HNRNPH3: variants seen among roughly 807,000 people sequenced by gnomAD.
The protein encoded by HNRNPH3 is heterogeneous nuclear ribonucleoprotein 2H9.
In HNRNPH3, 7 loss-of-function variants were observed where a neutral mutation model predicts 47.0. The observed-to-expected ratio is 0.15, with a 90% CI of 0.08 to 0.28. HNRNPH3 has a LOEUF of 0.28. Among genes scored for constraint, HNRNPH3 ranks in the 10% least tolerant of loss-of-function variants. HNRNPH3 has a pLI of 1.00. For missense variants in HNRNPH3, 279 were observed against 449.6 expected (o/e 0.62, Z 3.43); for synonymous variants, 120 against 143.2 (o/e 0.84, Z 1.16).
intron 1 of HNRNPH3, among the ~76,000 whole-genome samples, chr10:68,333,533 C>T (rs1054937187): frequency 6.6e-6 from 1 of 151,948 alleles, no homozygotes; most frequent in South Asian, 2.1e-4. Context: ...CTTTTGGTAG[C>T]TAGGCATGTT....
intron 1 of HNRNPH3, among the ~76,000 whole-genome samples, chr10:68,334,773 AT>A (rs2045450310): frequency 6.6e-6 from 1 of 152,236 alleles, no homozygotes; most frequent in Non-Finnish European, 1.5e-5. Flanking sequence ...AGCACCTAGA[AT>A]TCTTAAAGCA....
In HNRNPH3 at chr10:68,337,329, T is replaced by C. The variant is rs758961146; in HGVS notation, c.108T>C (p.Phe36=). The stretch of plus-strand genomic sequence containing the variant: ...GCAAAGAGGAAATAGTTCAGTTCTT[T>C]CAAGGTACCTCTAGTATTAGTCAAA... The part of the protein sequence containing the change: ...GCSKEEIVQF[F]QGLEIVPNGI... The change falls in exon 2 of 10, where the codon TTT becomes TTC. Residue 36 remains phenylalanine (F), a synonymous_variant. Coordinates refer to ENST00000265866, the MANE Select transcript of HNRNPH3 (RefSeq NM_012207.3). This position sits in a 1 kb window ranked among gnomAD's most constrained non-coding sequence, Gnocchi z 4.5. 1 of 1,535,774 alleles carries C rather than the reference T, an allele frequency of 6.5e-7. No individual in the cohort carries two copies.
At position 68,341,323 on chromosome 10, in the gene HNRNPH3, T is replaced by G; in HGVS notation, c.775+14T>G. 6.3e-7 allele frequency: 1 copy of G among 1,592,914 alleles called. No homozygotes were observed. Among genetic ancestry groups the G allele is most frequent in the South Asian group, 1.2e-5 (1 of 86,434 alleles). On this transcript the variant is annotated intron_variant, in intron 7 of 9. Transcript: ENST00000265866. The stretch of plus-strand genomic sequence containing the variant: ...AAAATAACATGCGTAAGTGGTGTCT[T>G]TGGCACACAATCTTATTTCCTAAAC...
Position 68,337,730 on chromosome 10 carries a change from A to T in HNRNPH3, c.113-128A>T. On this transcript the variant is annotated intron_variant, in intron 2 of 9. Transcript: ENST00000265866. This position sits in a 1 kb window ranked among gnomAD's most constrained non-coding sequence, Gnocchi z 4.5. ...AATCTTTCATTTGTATTATGGGGTG[A>T]TGGGAAACTAAGCTTTTTTGTTTTG... The T allele has an allele frequency of 1.3e-6, 1 of 793,958 alleles. No homozygotes were observed. The highest frequency in any genetic ancestry group is 1.8e-5 in the African/African-American group (1 of 57,124). 49.2% of individuals were successfully genotyped at this position (793,958 alleles called of 1,614,324 possible). A position where few individuals can be genotyped will look rare whatever the true frequency, so the allele number is the denominator to read the frequency against.
chr10:68,338,723 T>C, intron 4 of HNRNPH3, 36 bp downstream of exon 4: 1 of 1,477,502 alleles, frequency 6.8e-7, no homozygotes, highest in Non-Finnish European at 9.1e-7. Flanking sequence ...TCTGTTGTCA[T>C]TTTCTTAATG....
chr10:68,341,608 T>A lies in HNRNPH3; in HGVS notation c.799T>A (p.Leu267Met). 2 of 1,612,748 alleles carry A rather than the reference T, an allele frequency of 1.2e-6. No individual in the cohort carries two copies. The highest frequency in any genetic ancestry group is 2.7e-5 in the African/African-American group (2 of 74,992). ...NMQHRYIELFLNSTPGGGSGM... is the reference protein window; with the variant it reads ...NMQHRYIELFMNSTPGGGSGM... ...AGAACATCGATATATTGAACTCTTC[T>A]TGAATTCTACTCCTGGAGGCGGCTC... The change falls in exon 8 of 10, where the codon TTG (leucine) becomes ATG (methionine). Residue 267 changes from leucine to methionine, a missense_variant. Physicochemically the swap from Leu to Met is conservative, Grantham distance 15. Coordinates refer to ENST00000265866, the MANE Select transcript of HNRNPH3 (RefSeq NM_012207.3).
At chr10:68,333,236 G>C (rs2134629873) in intron 1 of HNRNPH3, among the ~76,000 whole-genome samples, 1 of 143,632 alleles carries the variant, frequency 7.0e-6, no homozygotes, top group Middle Eastern at 3.7e-3. Context: ...TTTCAAGTAG[G>C]TCGTCTGGGC....
At chr10:68,336,580 C>A (rs1315316348) in intron 1 of HNRNPH3, among the ~76,000 whole-genome samples, 1 of 152,060 alleles carries the variant, frequency 6.6e-6, no homozygotes, top group Non-Finnish European at 1.5e-5. Flanking sequence ...CTGATTAATT[C>A]AGTCATTTTA....
chr10:68,337,622 T>C lies in HNRNPH3; in HGVS notation c.113-236T>C. On this transcript the variant is annotated intron_variant, in intron 2 of 9. Transcript: ENST00000265866. This position sits in a 1 kb window ranked among gnomAD's most constrained non-coding sequence, Gnocchi z 4.5. ...TTTTGTAGCCTTTTTTCATGTAATA[T>C]AGGTGGGCTTTTAGAGTGTGTAATT... 3.8e-6 allele frequency: 2 copies of C among 531,988 alleles called. No individual in the cohort carries two copies. The highest frequency in any genetic ancestry group is 6.7e-6 in the Non-Finnish European group (2 of 300,260). 33.0% of individuals were successfully genotyped at this position (531,988 alleles called of 1,614,324 possible). A position where few individuals can be genotyped will look rare whatever the true frequency, so the allele number is the denominator to read the frequency against.
chr10:68,342,154 C>CT lies in HNRNPH3; in HGVS notation c.*101dup. On this transcript the variant is annotated 3_prime_UTR_variant, in exon 10 of 10. Coordinates refer to ENST00000265866, the MANE Select transcript of HNRNPH3 (RefSeq NM_012207.3). ...TTGTATTTTAAGAACTTTATAATGACTGAAGGAATGTGTTTTCAAAATATT... is the reference window on the plus strand; with the variant it reads ...TTGTATTTTAAGAACTTTATAATGACTTGAAGGAATGTGTTTTCAAAATATT... The CT allele has an allele frequency of 2.7e-6, 2 of 741,514 alleles. No homozygotes were observed. Among genetic ancestry groups the CT allele is most frequent in the South Asian group, 2.4e-5 (1 of 40,926 alleles). The allele number at this position is 741,514 out of a possible 1,614,324, so 45.9% of individuals were successfully genotyped here.
At chr10:68,336,870 G>A (rs763561010) in intron 1 of HNRNPH3, 10 of 191,910 alleles carry the variant, frequency 5.2e-5, no homozygotes, top group Admixed American at 2.4e-4. Context: ...AAATTTGAGA[G>A]ATAAGGAAAG....
chr10:68,339,996 A>G (rs1288587550), intron 6 of HNRNPH3, among the ~76,000 whole-genome samples: 1 of 152,058 alleles, frequency 6.6e-6, no homozygotes, highest in Non-Finnish European at 1.5e-5. Context: ...GGTGATGACT[A>G]TACCATTTTG....
rs754146470 is a variant in HNRNPH3 at position 68,338,661 on chromosome 10, G to A, written c.410G>A (p.Arg137Gln). 20 of 1,599,302 alleles carry A rather than the reference G, an allele frequency of 1.3e-5. No individual in the cohort carries two copies. The African/African-American group carries it at 1.5e-4, about 12-fold the overall frequency. The change falls in exon 4 of 10, where the codon CGA becomes CAA. Residue 137 changes from arginine (R) to glutamine (Q), a missense_variant. By Grantham distance (43) the Arg-to-Gln change is conservative. Around this residue, in one of 2 missense-constraint regions of HNRNPH3, gnomAD observed 239 missense variants for 335.8 expected, o/e 0.71. Transcript: ENST00000265866. ...CGTGGAAGTATGTATGACAGAATGCGACGAGGAGGTGATGGATATGATGGT... is the reference window on the plus strand; with the variant it reads ...CGTGGAAGTATGTATGACAGAATGCAACGAGGAGGTGATGGATATGATGGT... ...AGRGSMYDRM[R>Q]RGGDGYDGGY...
At chr10:68,338,375 G>A (rs909226813) in intron 3 of HNRNPH3, 128 bp from the exon 4 acceptor site, 4 of 516,578 alleles carry the variant, frequency 7.7e-6, no homozygotes, top group East Asian at 6.2e-5. Flanking sequence ...GTTAACTTAC[G>A]GTGTATTTAG....
intron 6 of HNRNPH3, among the ~76,000 whole-genome samples, chr10:68,340,176 A>T (rs2045807121): frequency 6.6e-6 from 1 of 152,110 alleles, no homozygotes; most frequent in Admixed American, 6.5e-5. Flanking sequence ...CTGGGATTAC[A>T]GGGGCACACC....
At chr10:68,338,075 AGC>A in intron 3 of HNRNPH3, 79 bp downstream of exon 3, 6 of 1,083,206 alleles carry the variant, frequency 5.5e-6, no homozygotes, top group Non-Finnish European at 3.9e-6. Flanking sequence ...ATGGGGGGGT[AGC>A]CATAACATTT....
intron 6 of HNRNPH3, 92 bp downstream of exon 6, chr10:68,339,647 A>C (rs1351752112): frequency 4.0e-6 from 3 of 749,184 alleles, no homozygotes; most frequent in Non-Finnish European, 6.7e-6. Context: ...TTATAGCTTA[A>C]TACCAAAATC....
intron 6 of HNRNPH3, 37 bp from the exon 7 acceptor site, chr10:68,341,137 T>G: frequency 7.0e-7 from 1 of 1,420,050 alleles, no homozygotes; most frequent in Non-Finnish European, 9.6e-7. Context: ...TTTAATATTC[T>G]CAATAGAAAA....
intron 8 of HNRNPH3, 25 bp from the exon 9 acceptor site, chr10:68,341,734 T>C (rs768596181): frequency 1.3e-6 from 2 of 1,581,612 alleles, no homozygotes; most frequent in Non-Finnish European, 1.7e-6. Context: ...TGAGTCTCAA[T>C]TTTTTTTCTT....
Sources: allele counts gnomAD v4.1 joint callset (sites outside exome capture counted in the v4.1 genomes callset), GRCh38; gene constraint gnomAD v4.1.1; regional missense constraint gnomAD v4.1.1; non-coding constraint Gnocchi (gnomAD v3.1); transcripts MANE v1.5; gene names NCBI Gene and HGNC (gene_info 2026-07-23, HGNC 2026-07-21).